The following DLGAP2 variants were observed in gnomAD, a reference collection of about 807,000 sequenced individuals.
The protein encoded by DLGAP2 is DLG associated protein 2, also known as disks large-associated protein 2.
A neutral mutation model predicts 100.3 loss-of-function variants in DLGAP2; 26 were observed. The observed-to-expected ratio is 0.26, with a 90% confidence interval of 0.19 to 0.36. DLGAP2 has a LOEUF of 0.36. DLGAP2 is among the 10% of genes least tolerant of loss of function. The pLI, the probability that DLGAP2 is intolerant of heterozygous loss-of-function variation, is 1.00. For missense variants in DLGAP2, 1,858 were observed against 1,453.2 expected, an observed-to-expected ratio of 1.28 and a Z score of -4.53; for synonymous variants, 886 against 630.1, an observed-to-expected ratio of 1.41 and a Z score of -6.08.
intron 2 of DLGAP2, among the ~76,000 whole-genome samples, chr8:984,284 C>CA (rs944804633): frequency 6.6e-6 from 1 of 152,172 alleles, no homozygotes; most frequent in African/African-American, 2.4e-5. Flanking sequence ...CTGAGCTGGT[C>CA]AAAATCTCTC....
At position 1,200,953 on chromosome 8, in the gene DLGAP2, C is replaced by T. The variant is rs147348028; in HGVS notation, c.74-57898C>T. 1.8e-4 allele frequency among the ~76,000 whole-genome samples: 27 copies of T among 152,306 alleles called. 1 individual carries two copies. The highest frequency in any genetic ancestry group is 6.3e-4 in the African/African-American group (26 of 41,574). The stretch of plus-strand genomic sequence containing the variant: ...TTCAGCTCCAGGAGCGTGTTGTGCA[C>T]GGCGGGGCGCTGCGCTCGGCCTTAG... On this transcript the variant is annotated intron_variant, in intron 2 of 14. Coordinates refer to ENST00000637795, the MANE Select transcript of DLGAP2 (RefSeq NM_001346810.2).
At chr8:1,660,043 G>A (rs1424880861) in intron 8 of DLGAP2, among the ~76,000 whole-genome samples, 1 of 152,114 alleles carries the variant, frequency 6.6e-6, no homozygotes, top group Non-Finnish European at 1.5e-5. Flanking sequence ...GCCTGGTGGT[G>A]ACAAAAAGCT....
At chr8:1,175,711 A>G (rs1797237951) in intron 2 of DLGAP2, among the ~76,000 whole-genome samples, 1 of 152,206 alleles carries the variant, frequency 6.6e-6, no homozygotes. Context: ...CACCTTTAAG[A>G]GCTCAATTCT....
chr8:1,621,622 G>A (rs1212669776), intron 6 of DLGAP2: 1 of 152,180 alleles, frequency 6.6e-6, no homozygotes, highest in African/African-American at 2.4e-5. Flanking sequence ...AAGCCACTGA[G>A]CAGGTGCTCC....
intron 2 of DLGAP2, among the ~76,000 whole-genome samples, chr8:956,991 C>G (rs1440866498): frequency 6.6e-6 from 1 of 152,222 alleles, no homozygotes; most frequent in African/African-American, 2.4e-5. Flanking sequence ...TGCTCCAAGA[C>G]ACACACATCA....
At chr8:1,193,014 A>G (rs1035388297) in intron 2 of DLGAP2, among the ~76,000 whole-genome samples, 1 of 152,052 alleles carries the variant, frequency 6.6e-6, no homozygotes, top group African/African-American at 2.4e-5. Flanking sequence ...ATCAATTTTT[A>G]TGGCTGCATA....
chr8:909,795 A>G (rs763840286), intron 2 of DLGAP2, among the ~76,000 whole-genome samples: 36 of 152,194 alleles, frequency 2.4e-4, no homozygotes, highest in Non-Finnish European at 4.9e-4. Flanking sequence ...GTCCATGCAG[A>G]ATGGAAAGAT....
intron 6 of DLGAP2, among the ~76,000 whole-genome samples, chr8:1,589,406 T>C (rs933578392): frequency 6.6e-6 from 1 of 152,220 alleles, no homozygotes. Context: ...GAAATGAAAC[T>C]TATTCCTTGC....
chr8:1,073,930 C>G (rs1803511639), intron 2 of DLGAP2, among the ~76,000 whole-genome samples: 1 of 152,214 alleles, frequency 6.6e-6, no homozygotes, highest in African/African-American at 2.4e-5. Context: ...TTCACTGTAA[C>G]AGAAGGGTTT....
chr8:1,160,136 G>T (rs577863316), intron 2 of DLGAP2, among the ~76,000 whole-genome samples: 1 of 152,346 alleles, frequency 6.6e-6, no homozygotes, highest in South Asian at 2.1e-4. Flanking sequence ...GAATTGCTCT[G>T]AATCGCTGTG....
intron 2 of DLGAP2, among the ~76,000 whole-genome samples, chr8:1,091,388 G>A (rs747807549): frequency 1.2e-4 from 18 of 152,194 alleles, no homozygotes; most frequent in South Asian, 6.2e-4. Context: ...AGTGTTTCGC[G>A]GCCTCAGTGG....
intron 3 of DLGAP2, among the ~76,000 whole-genome samples, chr8:1,305,355 A>C (rs928714984): frequency 3.3e-5 from 5 of 152,174 alleles, no homozygotes; most frequent in African/African-American, 7.2e-5. Flanking sequence ...GATCTTCAGC[A>C]TTATTTTGTT....
At chr8:1,028,150 C>T (rs1801866781) in intron 2 of DLGAP2, among the ~76,000 whole-genome samples, 3 of 141,626 alleles carry the variant, frequency 2.1e-5, no homozygotes, top group South Asian at 2.3e-4. Flanking sequence ...CGTTATTCTC[C>T]AGGTGGGGTA....
chr8:1,430,525 C>G (rs73670801), intron 3 of DLGAP2, among the ~76,000 whole-genome samples: 3,949 of 152,184 alleles, frequency 0.026, 136 homozygotes, highest in African/African-American at 0.086. Context: ...GTCTACAGGC[C>G]TTGTAGCTAA....
chr8:1,263,156 C>T (rs1226674068), intron 3 of DLGAP2, among the ~76,000 whole-genome samples: 2 of 152,134 alleles, frequency 1.3e-5, no homozygotes, highest in African/African-American at 4.8e-5. Flanking sequence ...ATGAACGATT[C>T]TTTAGCAATC....
intron 3 of DLGAP2, among the ~76,000 whole-genome samples, chr8:1,412,838 C>G (rs576700546): frequency 6.6e-6 from 1 of 151,808 alleles, no homozygotes; most frequent in African/African-American, 2.4e-5. Context: ...GTCTCCAGTG[C>G]TCAGGGCCAC....
chr8:1,029,447 G>A (rs1181442786), intron 2 of DLGAP2, among the ~76,000 whole-genome samples: 2 of 152,238 alleles, frequency 1.3e-5, no homozygotes, highest in East Asian at 1.9e-4. Flanking sequence ...AGAGGTTCTG[G>A]TGGGATGGCC....
chr8:1,601,673 C>T (rs548975337), intron 6 of DLGAP2, among the ~76,000 whole-genome samples: 2 of 152,246 alleles, frequency 1.3e-5, no homozygotes, highest in East Asian at 1.9e-4. Flanking sequence ...AGCCTCTCCG[C>T]CTCGGCCCAC....
intron 2 of DLGAP2, among the ~76,000 whole-genome samples, chr8:1,113,961 G>C (rs1273498574): frequency 6.6e-6 from 1 of 152,094 alleles, no homozygotes; most frequent in African/African-American, 2.4e-5. Flanking sequence ...CAATCATATG[G>C]TTTTTGTCTT....
Sources: gnomAD v4.1 joint callset for allele counts (sites outside exome capture counted in the v4.1 genomes callset) on GRCh38, gnomAD v4.1.1 for gene constraint, MANE v1.5 for transcripts, NCBI Gene and HGNC (gene_info 2026-07-23, HGNC 2026-07-21) for gene names.